RBFOX1: variants seen among roughly 807,000 people sequenced by gnomAD.
RBFOX1 encodes the protein RNA binding fox-1 homolog 1.
In RBFOX1, 8 loss-of-function variants were observed where a neutral mutation model predicts 57.7. The observed-to-expected ratio is 0.14, with a 90% confidence interval of 0.08 to 0.25. RBFOX1 has a LOEUF of 0.25. Among genes scored for constraint, RBFOX1 ranks in the 10% least tolerant of loss-of-function variants. RBFOX1 has a pLI of 1.00. For missense variants in RBFOX1, 611 were observed against 548.5 expected, an observed-to-expected ratio of 1.11 and a Z score of -1.14; for synonymous variants, 326 against 222.4, an observed-to-expected ratio of 1.47 and a Z score of -4.15.
In RBFOX1 at chr16:5,901,361, C is replaced by G. The variant is rs141219290; in HGVS notation, c.351+34026C>G. Among the ~76,000 whole-genome samples, 878 of 152,308 alleles carry G rather than the reference C, an allele frequency of 5.8e-3. 2 individuals carry two copies. The highest frequency in any genetic ancestry group is 9.5e-3 in the Non-Finnish European group (644 of 68,026). ...TTATAATTCACCTTGCACCCTGTAGCTGGCGATGACTTCCCAGAGCTGAGC... is the reference window on the plus strand; with the variant it reads ...TTATAATTCACCTTGCACCCTGTAGGTGGCGATGACTTCCCAGAGCTGAGC... On this transcript the variant is annotated intron_variant, in intron 4 of 19. Coordinates refer to the RBFOX1 transcript ENST00000641259.
intron 2 of RBFOX1, among the ~76,000 whole-genome samples, chr16:6,465,530 C>A (rs1204880528): frequency 1.3e-5 from 2 of 151,924 alleles, no homozygotes; most frequent in Non-Finnish European, 2.9e-5. Context: ...AAGTAAAATG[C>A]TGCTAAGTTT....
chr16:7,274,305 G>C, intron 4 of RBFOX1, among the ~76,000 whole-genome samples: 1 of 152,148 alleles, frequency 6.6e-6, no homozygotes, highest in East Asian at 1.9e-4. Flanking sequence ...AAGGAGGTAC[G>C]CTTTGTTATC....
intron 4 of RBFOX1, among the ~76,000 whole-genome samples, chr16:7,283,384 G>C (rs1249499452): frequency 6.6e-6 from 1 of 152,020 alleles, no homozygotes; most frequent in African/African-American, 2.4e-5. Flanking sequence ...GCATGGATCA[G>C]TGTCCACCAT....
intron 1 of RBFOX1, among the ~76,000 whole-genome samples, chr16:6,136,401 T>C (rs1362667610): frequency 1.3e-5 from 2 of 151,920 alleles, no homozygotes; most frequent in African/African-American, 4.8e-5. Context: ...TGTTGCAGAG[T>C]AGGAAACAAG....
chr16:6,661,688 T>C (rs2098702522), intron 3 of RBFOX1, among the ~76,000 whole-genome samples: 1 of 152,160 alleles, frequency 6.6e-6, no homozygotes, highest in Non-Finnish European at 1.5e-5. Context: ...AACACTTTGA[T>C]TCGAGCAAGA....
intron 2 of RBFOX1, among the ~76,000 whole-genome samples, chr16:6,395,495 A>G (rs969605857): frequency 6.6e-6 from 1 of 151,610 alleles, no homozygotes; most frequent in African/African-American, 2.4e-5. Flanking sequence ...CCTTTTTCTC[A>G]TTTTTTGTAG....
intron 10 of RBFOX1, among the ~76,000 whole-genome samples, chr16:7,618,363 T>C (rs2058790184): frequency 6.6e-6 from 1 of 152,190 alleles, no homozygotes; most frequent in African/African-American, 2.4e-5. Flanking sequence ...AGCCCTGTGG[T>C]GCTGGGAGAC....
chr16:5,820,484 T>C (rs1199902911), intron 3 of RBFOX1, among the ~76,000 whole-genome samples: 1 of 152,172 alleles, frequency 6.6e-6, no homozygotes, highest in East Asian at 1.9e-4. Flanking sequence ...GAGCTGCAGC[T>C]GCCCGCACGT....
intron 4 of RBFOX1, among the ~76,000 whole-genome samples, chr16:7,498,628 T>A (rs2069520684): frequency 6.6e-6 from 1 of 152,210 alleles, no homozygotes; most frequent in Non-Finnish European, 1.5e-5. Context: ...AAGAGATATG[T>A]TGCATTCTTT....
At chr16:6,001,654 A>C (rs1203417483) in intron 4 of RBFOX1, among the ~76,000 whole-genome samples, 1 of 152,234 alleles carries the variant, frequency 6.6e-6, no homozygotes, top group Non-Finnish European at 1.5e-5. Flanking sequence ...ACATGGTAAC[A>C]ATGCTAGTTT....
At position 7,710,787 on chromosome 16, in the gene RBFOX1, A is replaced by C. The variant is rs776303663; in HGVS notation, c.*42A>C. 11 of 1,481,412 alleles carry C rather than the reference A, an allele frequency of 7.4e-6. No individual in the cohort carries two copies. In the Admixed American group the frequency reaches 2.6e-4, roughly 35 times the overall value. The allele number at this position is 1,481,412 out of a possible 1,614,324, so 91.8% of individuals were successfully genotyped here. A position where few individuals can be genotyped will look rare whatever the true frequency, so the allele number is the denominator to read the frequency against. ...AACCTTCCAATGTGGGGAGAAAGGA[A>C]GCTTTCCGAGGCCTGAGTATTGCAA... On this transcript the variant is annotated 3_prime_UTR_variant, in exon 16 of 16. Transcript: ENST00000550418.
chr16:6,673,973 C>T (rs2098784467), intron 3 of RBFOX1, among the ~76,000 whole-genome samples: 1 of 152,042 alleles, frequency 6.6e-6, no homozygotes, highest in African/African-American at 2.4e-5. Flanking sequence ...GAAGGAGACT[C>T]TAGGAAGGGA....
intron 3 of RBFOX1, among the ~76,000 whole-genome samples, chr16:6,966,829 G>GTCTA (rs112015730): frequency 8.1e-5 from 12 of 148,718 alleles, no homozygotes; most frequent in African/African-American, 3.0e-4. Flanking sequence ...CTATCTATCT[G>GTCTA]TCTATCTATC....
At chr16:7,671,721 C>A in intron 13 of RBFOX1, 1 of 889,238 alleles carries the variant, frequency 1.1e-6, no homozygotes, top group Non-Finnish European at 1.8e-6. Flanking sequence ...AAAGACTTAA[C>A]TGAATTTTCC....
intron 4 of RBFOX1, among the ~76,000 whole-genome samples, chr16:7,053,625 A>G (rs914614570): frequency 4.6e-5 from 7 of 152,214 alleles, no homozygotes; most frequent in Non-Finnish European, 7.3e-5. Context: ...GCAGTAGGTA[A>G]TGAAGGACCT....
intron 14 of RBFOX1, among the ~76,000 whole-genome samples, chr16:7,702,249 G>A (rs1216761776): frequency 1.3e-5 from 2 of 152,178 alleles, no homozygotes; most frequent in African/African-American, 4.8e-5. Flanking sequence ...ATATACTGAG[G>A]TGTCCTAAGC....
intron 1 of RBFOX1, among the ~76,000 whole-genome samples, chr16:6,096,809 C>T (rs550756695): frequency 1.3e-5 from 2 of 152,258 alleles, no homozygotes; most frequent in African/African-American, 4.8e-5. Context: ...TACATGAACC[C>T]AACTGCTCAA....
intron 3 of RBFOX1, among the ~76,000 whole-genome samples, chr16:6,871,430 C>T (rs1013266928): frequency 1.3e-5 from 2 of 152,170 alleles, no homozygotes; most frequent in African/African-American, 4.8e-5. Flanking sequence ...AAATGATCTG[C>T]TCACCTCAGC....
At chr16:7,172,598 A>AG (rs1476147070) in intron 4 of RBFOX1, among the ~76,000 whole-genome samples, 4 of 151,966 alleles carry the variant, frequency 2.6e-5, no homozygotes, top group African/African-American at 4.8e-5. Flanking sequence ...TTCATATTGG[A>AG]GAAAAAAAAA....
Sources: allele counts gnomAD v4.1 joint callset (sites outside exome capture counted in the v4.1 genomes callset), GRCh38; gene constraint gnomAD v4.1.1; transcripts MANE v1.5; gene names NCBI Gene and HGNC (gene_info 2026-07-23, HGNC 2026-07-21).